The following GPHN variants were observed in gnomAD, a reference collection of about 807,000 sequenced individuals.
The protein encoded by GPHN is gephyrin.
GPHN carries 17 observed loss-of-function variants against 95.5 expected under a neutral mutation model. The ratio of observed to expected loss-of-function variants is 0.18; its 90% CI spans 0.12 to 0.27. The LOEUF (loss-of-function observed/expected upper bound fraction) is 0.27. Ranked by LOEUF, GPHN falls within the 10% of genes least tolerant of loss-of-function variation. The pLI, the probability that GPHN is intolerant of heterozygous loss-of-function variation, is 1.00. For synonymous variants in GPHN, 320 were observed against 322.5 expected (o/e 0.99, Z 0.08); for missense variants, 660 against 978.1 (o/e 0.67, Z 4.34).
intron 3 of GPHN, among the ~76,000 whole-genome samples, chr14:66,787,048 A>G (rs999012525): frequency 7.2e-5 from 11 of 152,182 alleles, no homozygotes; most frequent in South Asian, 4.1e-4. Context: ...TGCTAAAACC[A>G]CATAGATTAG....
At chr14:67,159,822 T>A (rs72717311) in intron 19 of GPHN, among the ~76,000 whole-genome samples, 7,730 of 152,162 alleles carry the variant, frequency 0.051, 210 homozygotes, top group Middle Eastern at 0.068. Flanking sequence ...ATATGAGAAC[T>A]CTGAAATATA....
At chr14:67,604,304 T>C in the GPHN span, among the ~76,000 whole-genome samples, 2 of 152,248 alleles carry the variant, frequency 1.3e-5, no homozygotes, top group Non-Finnish European at 2.9e-5. Context: ...TCTAATGGTG[T>C]CTTTTGATGA....
At chr14:67,544,532 A>G in the GPHN span, among the ~76,000 whole-genome samples, 1 of 152,234 alleles carries the variant, frequency 6.6e-6, no homozygotes, top group Non-Finnish European at 1.5e-5. Flanking sequence ...GACACAAAAA[A>G]CAATTAGACT....
chr14:67,542,112 T>C, the GPHN span: 18 of 970,280 alleles, frequency 1.9e-5, no homozygotes, highest in Non-Finnish European at 2.5e-5. Context: ...TTTCCCCATA[T>C]GCAAAATGAA....
At chr14:67,561,688 C>T in the GPHN span, among the ~76,000 whole-genome samples, 9 of 151,666 alleles carry the variant, frequency 5.9e-5, no homozygotes, top group Non-Finnish European at 7.4e-5. Flanking sequence ...GGCAACATAG[C>T]GAGAGCTTGT....
At chr14:67,290,362 G>T in the GPHN span, among the ~76,000 whole-genome samples, 1 of 152,140 alleles carries the variant, frequency 6.6e-6, no homozygotes, top group Non-Finnish European at 1.5e-5. Context: ...AATAAAGACA[G>T]ACTCTGATAT....
intron 3 of GPHN, among the ~76,000 whole-genome samples, chr14:66,802,723 G>T (rs191767058): frequency 1.7e-4 from 26 of 152,246 alleles, no homozygotes; most frequent in Admixed American, 1.5e-3. Context: ...GTTCCCTTCT[G>T]GTCCAGGGTG....
chr14:67,723,136 C>T, the GPHN span, among the ~76,000 whole-genome samples: 1 of 152,226 alleles, frequency 6.6e-6, no homozygotes. Flanking sequence ...AAGAAACAAA[C>T]TCTTCTGCCT....
intron 1 of GPHN, among the ~76,000 whole-genome samples, chr14:66,660,121 AAATTTTATC>A (rs1421086389): frequency 2.6e-5 from 4 of 151,572 alleles, no homozygotes; most frequent in Non-Finnish European, 4.4e-5. Flanking sequence ...TGTGTGTATA[AAATTTTATC>A]AATTTTATCA....
intron 15 of GPHN, 116 bp downstream of exon 15, chr14:67,112,035 G>GGCTT (rs2078406698): frequency 2.5e-6 from 2 of 815,258 alleles, no homozygotes; most frequent in South Asian, 2.9e-5. Context: ...TAATTTTCAG[G>GGCTT]GCTTTAACAA....
chr14:67,084,862 G>C (rs1329998409), intron 11 of GPHN, among the ~76,000 whole-genome samples: 1 of 152,180 alleles, frequency 6.6e-6, no homozygotes, highest in Non-Finnish European at 1.5e-5. Flanking sequence ...GCACAGACTA[G>C]AAAAAGCCCA....
chr14:67,244,966 A>T, the GPHN span, among the ~76,000 whole-genome samples: 5 of 152,148 alleles, frequency 3.3e-5, no homozygotes, highest in African/African-American at 4.8e-5. Flanking sequence ...AGAGTCAGGA[A>T]AAAAAGATGT....
intron 4 of GPHN, among the ~76,000 whole-genome samples, chr14:66,840,832 C>G (rs1467436635): frequency 3.3e-5 from 5 of 150,818 alleles, no homozygotes; most frequent in Non-Finnish European, 7.4e-5. Flanking sequence ...CTATAGTACA[C>G]TGGCGTCTGC....
the GPHN span, among the ~76,000 whole-genome samples, chr14:67,187,984 T>C: frequency 2.6e-5 from 4 of 152,190 alleles, no homozygotes; most frequent in Non-Finnish European, 5.9e-5. Context: ...ACCTTTGTGG[T>C]CCAGCATGGC....
At chr14:67,439,719 C>T in the GPHN span, among the ~76,000 whole-genome samples, 3 of 152,172 alleles carry the variant, frequency 2.0e-5, no homozygotes, top group African/African-American at 7.2e-5. Flanking sequence ...AAACAACATA[C>T]ACAATGCAGT....
the GPHN span, chr14:67,651,155 G>T: frequency 1.0e-6 from 1 of 955,960 alleles, no homozygotes; most frequent in Non-Finnish European, 1.5e-6. Flanking sequence ...TAAATTTAAA[G>T]AAGTCATAAA....
the GPHN span, among the ~76,000 whole-genome samples, chr14:67,696,882 A>C: frequency 6.6e-6 from 1 of 152,198 alleles, no homozygotes; most frequent in African/African-American, 2.4e-5. Flanking sequence ...CCAATGAACT[A>C]ATATATTTTA....
chr14:66,638,731 A>G (rs1424032330), intron 1 of GPHN, among the ~76,000 whole-genome samples: 4 of 151,758 alleles, frequency 2.6e-5, no homozygotes, highest in African/African-American at 7.3e-5. Flanking sequence ...TTTCCCTTTA[A>G]TTCTTCTTTT....
intron 3 of GPHN, among the ~76,000 whole-genome samples, chr14:66,823,895 A>G (rs572649812): frequency 6.6e-6 from 1 of 152,380 alleles, no homozygotes; most frequent in South Asian, 2.1e-4. Flanking sequence ...ATTATAATTT[A>G]ATGAGCACTT....
Sources: gnomAD v4.1 joint callset for allele counts (sites outside exome capture counted in the v4.1 genomes callset) on GRCh38, gnomAD v4.1.1 for gene constraint, MANE v1.5 for transcripts, NCBI Gene and HGNC (gene_info 2026-07-23, HGNC 2026-07-21) for gene names.